The following CFAP95 variants were observed in gnomAD, a reference collection of about 807,000 sequenced individuals.
The protein encoded by CFAP95 is cilia- and flagella-associated protein 95.
the CFAP95 span, among the ~76,000 whole-genome samples, chr9:69,850,179 A>G: frequency 9.3e-4 from 141 of 152,342 alleles, no homozygotes; most frequent in African/African-American, 3.3e-3. Flanking sequence ...AGTACAGAAC[A>G]CATATGATGC....
At chr9:69,835,105 A>G in the CFAP95 span, among the ~76,000 whole-genome samples, 1 of 152,216 alleles carries the variant, frequency 6.6e-6, no homozygotes, top group Non-Finnish European at 1.5e-5. Flanking sequence ...AAAGTTCTAG[A>G]TAGCAGATGA....
the CFAP95 span, among the ~76,000 whole-genome samples, chr9:69,859,426 T>A: frequency 2.6e-5 from 4 of 152,118 alleles, no homozygotes; most frequent in Non-Finnish European, 4.4e-5. Flanking sequence ...AGCTTTAAAA[T>A]TTTTTTTCTT....
At chr9:69,882,978 G>T in the CFAP95 span, among the ~76,000 whole-genome samples, 2 of 152,160 alleles carry the variant, frequency 1.3e-5, no homozygotes, top group African/African-American at 4.8e-5. Context: ...GAATTTGGAA[G>T]TATACCTTCT....
At chr9:69,881,853 A>G in the CFAP95 span, among the ~76,000 whole-genome samples, 7 of 152,028 alleles carry the variant, frequency 4.6e-5, no homozygotes, top group Non-Finnish European at 7.4e-5. Context: ...TCCATGTTTT[A>G]TAGTTTTCAT....
At chr9:69,874,977 A>G in the CFAP95 span, among the ~76,000 whole-genome samples, 1 of 152,194 alleles carries the variant, frequency 6.6e-6, no homozygotes, top group Non-Finnish European at 1.5e-5. Context: ...CCTCTTCCCC[A>G]AGACAATGCC....
the CFAP95 span, among the ~76,000 whole-genome samples, chr9:69,836,684 A>G: frequency 8.9e-6 from 1 of 112,236 alleles, no homozygotes; most frequent in Non-Finnish European, 1.9e-5. Context: ...TTTTGGCTTC[A>G]ATTTCTTTTT....
chr9:69,823,629 G>T, the CFAP95 span, among the ~76,000 whole-genome samples: 1 of 152,158 alleles, frequency 6.6e-6, no homozygotes, highest in African/African-American at 2.4e-5. Context: ...TTTCGCTCAC[G>T]TGCATTTGAA....
chr9:69,834,161 A>C, the CFAP95 span, among the ~76,000 whole-genome samples: 1 of 152,292 alleles, frequency 6.6e-6, no homozygotes, highest in Admixed American at 6.5e-5. Context: ...GTATACTGCA[A>C]GGTGTTTCAG....
chr9:69,901,471 C>G, the CFAP95 span, among the ~76,000 whole-genome samples: 1 of 152,068 alleles, frequency 6.6e-6, no homozygotes, highest in Non-Finnish European at 1.5e-5. Context: ...ATAATTTGCT[C>G]GGAATGATGG....
chr9:69,895,708 C>T, the CFAP95 span, among the ~76,000 whole-genome samples: 2 of 152,042 alleles, frequency 1.3e-5, no homozygotes, highest in Admixed American at 6.6e-5. Flanking sequence ...TCTCAGGAAA[C>T]GGATTGTTTT....
the CFAP95 span, among the ~76,000 whole-genome samples, chr9:69,878,019 A>G: frequency 1.3e-5 from 2 of 152,212 alleles, no homozygotes; most frequent in Non-Finnish European, 2.9e-5. Context: ...TCCAGGAGGA[A>G]TGAAAACTTT....
At chr9:69,898,416 C>A in the CFAP95 span, among the ~76,000 whole-genome samples, 5 of 152,128 alleles carry the variant, frequency 3.3e-5, no homozygotes, top group Non-Finnish European at 5.9e-5. Flanking sequence ...TGGCTGTATA[C>A]CAATCAACAT....
At chr9:69,831,153 T>C in the CFAP95 span, among the ~76,000 whole-genome samples, 1 of 152,180 alleles carries the variant, frequency 6.6e-6, no homozygotes, top group Non-Finnish European at 1.5e-5. Flanking sequence ...CTACTAGATC[T>C]CCAATCAGAT....
At chr9:69,859,887 AT>A in the CFAP95 span, among the ~76,000 whole-genome samples, 4 of 152,334 alleles carry the variant, frequency 2.6e-5, no homozygotes, top group East Asian at 7.7e-4. Flanking sequence ...AGTGTTAAGT[AT>A]TTATGTATCT....
chr9:69,889,113 C>G, the CFAP95 span, among the ~76,000 whole-genome samples: 21 of 152,290 alleles, frequency 1.4e-4, no homozygotes, highest in Middle Eastern at 0.01. Flanking sequence ...TTCTACCAGG[C>G]TCAGCTGCTT....
the CFAP95 span, among the ~76,000 whole-genome samples, chr9:69,854,642 G>C: frequency 6.6e-6 from 1 of 152,214 alleles, no homozygotes; most frequent in Non-Finnish European, 1.5e-5. Flanking sequence ...CCTGCTTTGT[G>C]CCAAGGAGGC....
the CFAP95 span, among the ~76,000 whole-genome samples, chr9:69,843,546 CTCCTCCTCCTCCTTCT>C: frequency 3.3e-5 from 1 of 29,862 alleles, no homozygotes; most frequent in Non-Finnish European, 6.7e-5. Flanking sequence ...CCTCCTCCTC[CTCCTCCTCCTCCTTCT>C]TCTTCTTCTT....
At chr9:69,880,120 T>C in the CFAP95 span, among the ~76,000 whole-genome samples, 2 of 152,216 alleles carry the variant, frequency 1.3e-5, no homozygotes, top group African/African-American at 4.8e-5. Flanking sequence ...CTCTCAAGCA[T>C]TTATCCTTTG....
At chr9:69,865,334 G>A in the CFAP95 span, among the ~76,000 whole-genome samples, 1 of 152,120 alleles carries the variant, frequency 6.6e-6, no homozygotes, top group Non-Finnish European at 1.5e-5. Flanking sequence ...ATGAGGAGGA[G>A]GATAAAAACA....
Sources: gnomAD v4.1 joint callset for allele counts (sites outside exome capture counted in the v4.1 genomes callset) on GRCh38, gnomAD v4.1.1 for gene constraint, MANE v1.5 for transcripts, NCBI Gene and HGNC (gene_info 2026-07-23, HGNC 2026-07-21) for gene names.